The following PLD5 variants were observed in gnomAD, a reference collection of about 807,000 sequenced individuals.
The protein encoded by PLD5 is inactive phospholipase D5.
Under a neutral mutation model 61.1 loss-of-function variants are expected in PLD5, and 36 were observed. That is an observed-to-expected ratio of 0.59 (90% confidence interval 0.45 to 0.78). PLD5 has a LOEUF of 0.78. Ranked by LOEUF, PLD5 falls within the 30% of genes least tolerant of loss-of-function variation. PLD5 has a pLI of 0.00. For synonymous variants in PLD5, 243 were observed against 242.8 expected, an observed-to-expected ratio of 1.00 and a Z score of -0.01; for missense variants, 515 against 644.4, an observed-to-expected ratio of 0.80 and a Z score of 2.17.
chr1:242,371,154 C>A (rs1558504158), intron 1 of PLD5, among the ~76,000 whole-genome samples: 1 of 152,092 alleles, frequency 6.6e-6, no homozygotes, highest in Non-Finnish European at 1.5e-5. Flanking sequence ...AATGAAGAAG[C>A]AAAATTTATC....
chr1:242,388,602 G>C (rs1490744023), intron 1 of PLD5, among the ~76,000 whole-genome samples: 2 of 152,106 alleles, frequency 1.3e-5, no homozygotes, highest in African/African-American at 4.8e-5. Context: ...CAGAATGTTC[G>C]GTACGCAGGT....
intron 1 of PLD5, among the ~76,000 whole-genome samples, chr1:242,409,854 G>GAAGGCA (rs966324450): frequency 1.5e-4 from 23 of 152,220 alleles, no homozygotes; most frequent in African/African-American, 5.3e-4. Context: ...AGGCACATGT[G>GAAGGCA]AAGGCAAAGG....
Position 242,175,695 on chromosome 1 carries a change from A to G in PLD5, c.735+44293T>C, listed in dbSNP as rs549938160. Among the ~76,000 whole-genome samples the G allele has an allele frequency of 2.0e-5, 3 of 152,344 alleles. No homozygotes were observed. The South Asian group carries it at 6.2e-4, about 32-fold the overall frequency. On this transcript the variant is annotated intron_variant, in intron 5 of 9. Coordinates refer to ENST00000536534, the MANE Select transcript of PLD5 (RefSeq NM_001372062.1). The stretch of plus-strand genomic sequence containing the variant: ...CAGATGACATGATTGTATATTTAGA[A>G]AATACCACTGTCTCAGTGCAAAATC...
intron 1 of PLD5, among the ~76,000 whole-genome samples, chr1:242,410,760 G>A (rs1664503545): frequency 1.3e-5 from 2 of 152,142 alleles, no homozygotes; most frequent in South Asian, 4.2e-4. Context: ...CGCCAAGCAG[G>A]TGACCTCAGG....
At chr1:242,145,325 C>T (rs1664470867) in intron 5 of PLD5, among the ~76,000 whole-genome samples, 1 of 152,160 alleles carries the variant, frequency 6.6e-6, no homozygotes, top group Non-Finnish European at 1.5e-5. Context: ...TAGGTAGGCT[C>T]TTCAGGATGT....
chr1:242,153,485 T>G (rs1665104133), intron 5 of PLD5, among the ~76,000 whole-genome samples: 1 of 152,190 alleles, frequency 6.6e-6, no homozygotes, highest in African/African-American at 2.4e-5. Context: ...TGGTTTTAGG[T>G]CTTATGTTTA....
chr1:242,170,238 C>A (rs1170278482), intron 5 of PLD5, among the ~76,000 whole-genome samples: 5 of 152,332 alleles, frequency 3.3e-5, no homozygotes, highest in South Asian at 2.1e-4. Flanking sequence ...GAAAAAAGAA[C>A]AGGCAGCAAT....
intron 2 of PLD5, among the ~76,000 whole-genome samples, chr1:242,310,588 G>A (rs565441752): frequency 6.6e-6 from 1 of 152,216 alleles, no homozygotes; most frequent in East Asian, 1.9e-4. Flanking sequence ...GCATCTTATA[G>A]GTTGGTGCAA....
intron 9 of PLD5, among the ~76,000 whole-genome samples, chr1:242,093,542 G>A (rs1043841315): frequency 4.9e-4 from 75 of 152,140 alleles, no homozygotes; most frequent in Non-Finnish European, 1.2e-4. Context: ...GGCACAGAAG[G>A]GTTAAGTAAT....
intron 1 of PLD5, among the ~76,000 whole-genome samples, chr1:242,449,895 G>C (rs1036121352): frequency 2.0e-5 from 3 of 152,192 alleles, no homozygotes; most frequent in South Asian, 2.1e-4. Flanking sequence ...ACAGCAGCTC[G>C]GTCATCGGTG....
intron 1 of PLD5, among the ~76,000 whole-genome samples, chr1:242,479,292 A>T (rs1045131511): frequency 6.6e-6 from 1 of 152,220 alleles, no homozygotes; most frequent in Admixed American, 6.5e-5. Context: ...AACTCTAAGG[A>T]ATCTACTTTA....
intron 5 of PLD5, among the ~76,000 whole-genome samples, chr1:242,140,473 C>T (rs1664077696): frequency 6.6e-6 from 1 of 152,024 alleles, no homozygotes; most frequent in Non-Finnish European, 1.5e-5. Context: ...GCCTTCTCTA[C>T]TAAAAATACA....
At chr1:242,222,281 A>G (rs1016363342) in intron 4 of PLD5, among the ~76,000 whole-genome samples, 1 of 152,132 alleles carries the variant, frequency 6.6e-6, no homozygotes, top group African/African-American at 2.4e-5. Flanking sequence ...CATCTTCTAC[A>G]TATCTTTCTG....
chr1:242,185,768 ATTTTT>A (rs1007957015), intron 5 of PLD5, among the ~76,000 whole-genome samples: 5 of 151,164 alleles, frequency 3.3e-5, no homozygotes, highest in Admixed American at 2.6e-4. Context: ...CCTCTCTGCT[ATTTTT>A]TTTTAAGGTT....
intron 1 of PLD5, among the ~76,000 whole-genome samples, chr1:242,401,042 C>T (rs763631012): frequency 6.6e-6 from 1 of 152,130 alleles, no homozygotes; most frequent in Non-Finnish European, 1.5e-5. Flanking sequence ...TAATAAGCAT[C>T]GCAAACACAT....
intron 1 of PLD5, among the ~76,000 whole-genome samples, chr1:242,416,271 A>G (rs1664830110): frequency 6.6e-6 from 1 of 152,186 alleles, no homozygotes; most frequent in Admixed American, 6.5e-5. Flanking sequence ...CCATACATTG[A>G]TAAATTTGGA....
At chr1:242,238,709 TA>T (rs1411439675) in intron 4 of PLD5, among the ~76,000 whole-genome samples, 4 of 152,218 alleles carry the variant, frequency 2.6e-5, no homozygotes, top group Non-Finnish European at 5.9e-5. Flanking sequence ...AGAACGCTTA[TA>T]CTAAAAAAAT....
chr1:242,434,930 A>C (rs1210440867), intron 1 of PLD5, among the ~76,000 whole-genome samples: 1 of 152,172 alleles, frequency 6.6e-6, no homozygotes, highest in Non-Finnish European at 1.5e-5. Flanking sequence ...GGTTTGTTAC[A>C]TAGGTAAACA....
chr1:242,422,608 C>T (rs1048918620), intron 1 of PLD5, among the ~76,000 whole-genome samples: 67 of 152,114 alleles, frequency 4.4e-4, no homozygotes, highest in African/African-American at 1.6e-3. Flanking sequence ...TTACATTACA[C>T]TCTGGGAAAT....
Sources: allele counts gnomAD v4.1 joint callset (sites outside exome capture counted in the v4.1 genomes callset), GRCh38; gene constraint gnomAD v4.1.1; transcripts MANE v1.5; gene names NCBI Gene and HGNC (gene_info 2026-07-23, HGNC 2026-07-21).